The following COL9A2 variants were observed in gnomAD, a reference collection of about 807,000 sequenced individuals.
COL9A2 encodes the protein collagen type IX alpha 2 chain, also known as collagen alpha-2(IX) chain.
Under a neutral mutation model 111.6 loss-of-function variants are expected in COL9A2, and 66 were observed. The observed-to-expected ratio is 0.59, with a 90% CI of 0.48 to 0.73. The LOEUF is 0.73. COL9A2 is among the 30% of genes least tolerant of loss of function. COL9A2 has a pLI of 0.00. For missense variants in COL9A2, 881 were observed against 954.1 expected (o/e 0.92, Z 1.01); for synonymous variants, 353 against 364.1 (o/e 0.97, Z 0.35).
At chr1:40,313,554 T>A (rs1196470228) in intron 4 of COL9A2, among the ~76,000 whole-genome samples, 1 of 152,228 alleles carries the variant, frequency 6.6e-6, no homozygotes, top group Non-Finnish European at 1.5e-5. Flanking sequence ...GAAGGCAATA[T>A]GCCTTGTAAT....
In COL9A2 at chr1:40,313,296, G is replaced by C. The variant is rs554184755; in HGVS notation, c.250-512C>G. ...TGATTCTTGTGCCCCAGCCTCCCAA[G>C]TAGCTAGGACCAGGGGCATGCGCCA... On this transcript the variant is annotated intron_variant, in intron 4 of 31. Transcript: ENST00000372748. 3.3e-5 allele frequency among the ~76,000 whole-genome samples: 5 copies of C among 152,202 alleles called. No individual in the cohort carries two copies. The East Asian group carries it at 9.7e-4, about 29-fold the overall frequency.
chr1:40,304,173 A>G, intron 24 of COL9A2, 74 bp from the exon 25 acceptor site: 6 of 1,516,172 alleles, frequency 4.0e-6, no homozygotes, highest in Non-Finnish European at 5.3e-6. Flanking sequence ...TTTCGGCCAC[A>G]CCCCTCTTTC....
chr1:40,316,810 G>T lies in COL9A2; in HGVS notation c.75+313C>A. 2.1e-6 allele frequency: 1 copy of T among 485,824 alleles called. No homozygotes were observed. Among genetic ancestry groups the T allele is most frequent in the Non-Finnish European group, 3.8e-6 (1 of 265,178 alleles). 30.1% of individuals were successfully genotyped at this position (485,824 alleles called of 1,614,324 possible). On this transcript the variant is annotated intron_variant, in intron 1 of 31. Transcript: ENST00000372748. This position sits in a 1 kb window ranked among gnomAD's most constrained non-coding sequence, Gnocchi z 5.5. ...GCGCAGCGGGTGAATGAGCACCATT[G>T]TATGCCCCGCCACCTGGGCTCCCCG...
At chr1:40,304,701 G>A (rs1643995908) in intron 22 of COL9A2, 93 bp downstream of exon 22, 2 of 1,405,148 alleles carry the variant, frequency 1.4e-6, no homozygotes, top group Admixed American at 2.0e-5. Flanking sequence ...GCCTGGGGAG[G>A]CATCTCACGG....
rs1280996964 is a variant in COL9A2, at chr1:40,303,698, A to G, written c.1402-22T>C. The G allele has an allele frequency of 1.3e-6, 2 of 1,491,786 alleles. No individual in the cohort carries two copies. Among genetic ancestry groups the G allele is most frequent in the Non-Finnish European group, 1.8e-6 (2 of 1,118,418 alleles). The allele number at this position is 1,491,786 out of a possible 1,614,324, so 92.4% of individuals were successfully genotyped here. A position where few individuals can be genotyped will look rare whatever the true frequency, so the allele number is the denominator to read the frequency against. On this transcript the variant is annotated intron_variant, in intron 27 of 31. Coordinates refer to ENST00000372748, the MANE Select transcript of COL9A2 (RefSeq NM_001852.4). The surrounding 1 kb of genome is among the most constrained non-coding windows in gnomAD (Gnocchi z 4.6). ...CTTGCTGCGGGGGGATGGGGGTGGG[A>G]GCAGAGCCGGGTGAGAAGGCGCCCG...
rs1014918731 is a variant in COL9A2, at chr1:40,311,906, C to A, written c.417+153G>T. On this transcript the variant is annotated intron_variant, in intron 8 of 31. Transcript: ENST00000372748. This position sits in a 1 kb window ranked among gnomAD's most constrained non-coding sequence, Gnocchi z 5.1. ...AGCGGCGTCCCTAAAAGACCTAGTG[C>A]CGGGTGGGCTCATAGGAGGGGTTTC... Among the ~76,000 whole-genome samples, 4 of 152,168 alleles carry A rather than the reference C, an allele frequency of 2.6e-5. No homozygotes were observed. The highest frequency in any genetic ancestry group is 5.9e-5 in the Non-Finnish European group (4 of 68,018).
Position 40,302,991 on chromosome 1 carries a change from A to G in COL9A2, c.1603+140T>C. On this transcript the variant is annotated intron_variant, in intron 29 of 31. Coordinates refer to ENST00000372748, the MANE Select transcript of COL9A2 (RefSeq NM_001852.4). This position sits in a 1 kb window ranked among gnomAD's most constrained non-coding sequence, Gnocchi z 4.5. ...CCCAGAGTGACTTATTCAAGGTCCC[A>G]AAACCCTTCAGAGACTGGACTGGAA... 9.0e-7 allele frequency: 1 copy of G among 1,109,958 alleles called. No homozygotes were observed. Among genetic ancestry groups the G allele is most frequent in the Non-Finnish European group, 1.3e-6 (1 of 755,426 alleles). 68.8% of individuals were successfully genotyped at this position (1,109,958 alleles called of 1,614,324 possible).
In COL9A2 at chr1:40,310,135, G is replaced by T. The variant is rs150444024; in HGVS notation, c.768C>A (p.Gly256=). The change falls in exon 15 of 32, where the codon GGC becomes GGA. Residue 256 remains glycine (G), a synonymous_variant. Coordinates refer to ENST00000372748, the MANE Select transcript of COL9A2 (RefSeq NM_001852.4). This position sits in a 1 kb window ranked among gnomAD's most constrained non-coding sequence, Gnocchi z 4.9. ...TGPHGYKGMV[G]AIGATGPPGE... is the part of the protein sequence containing the mutation. ...CCGGTGGCCCAGTGGCACCGATAGCGCCCACCATGCCTTTATATCCATGAG... is the reference window on the plus strand; with the variant it reads ...CCGGTGGCCCAGTGGCACCGATAGCTCCCACCATGCCTTTATATCCATGAG... 1 of 1,613,834 alleles carries T rather than the reference G, an allele frequency of 6.2e-7. No homozygotes were observed. The highest frequency in any genetic ancestry group is 1.3e-5 in the African/African-American group (1 of 74,860).
rs752359933 is a variant in COL9A2 at position 40,301,394 on chromosome 1, G to T, written c.1871-13C>A. 5 of 1,602,802 alleles carry T rather than the reference G, an allele frequency of 3.1e-6. No homozygotes were observed. The South Asian group carries it at 5.6e-5, about 18-fold the overall frequency. On this transcript the variant is annotated splice_polypyrimidine_tract_variant and intron_variant, in intron 31 of 31. Transcript: ENST00000372748. ...CGGCCAGGGAGTCCTGTGAACAGGA[G>T]AAAGTCAAGACATTAGGGGCACCTC...
intron 24 of COL9A2, 38 bp from the exon 25 acceptor site, chr1:40,304,137 C>G: frequency 1.3e-6 from 2 of 1,530,894 alleles, no homozygotes; most frequent in South Asian, 2.4e-5. Context: ...GGCGAGCTCC[C>G]CCCTCCACGG....
intron 16 of COL9A2, among the ~76,000 whole-genome samples, chr1:40,309,071 G>C (rs1644074892): frequency 6.6e-6 from 1 of 152,142 alleles, no homozygotes; most frequent in Non-Finnish European, 1.5e-5. Flanking sequence ...GTGAAACCCT[G>C]TCTCTACTAA....
intron 4 of COL9A2, among the ~76,000 whole-genome samples, chr1:40,313,803 T>G (rs888950784): frequency 6.6e-6 from 1 of 152,126 alleles, no homozygotes; most frequent in African/African-American, 2.4e-5. Context: ...CTAAATGATG[T>G]TTCTCTCCTG....
intron 30 of COL9A2, 57 bp from the exon 31 acceptor site, chr1:40,301,946 T>A: frequency 6.6e-7 from 1 of 1,514,284 alleles, no homozygotes; most frequent in East Asian, 2.4e-5. Context: ...TTTTCCTCTA[T>A]TTTTTGCTAT....
chr1:40,306,621 A>T (rs1009785821), intron 19 of COL9A2, among the ~76,000 whole-genome samples: 82 of 127,956 alleles, frequency 6.4e-4, no homozygotes, highest in African/African-American at 2.5e-3. Flanking sequence ...CATTTCAAAC[A>T]GAGGGACCAG....
rs1263507777 is a variant in COL9A2, at chr1:40,302,280, G to A, written c.1792+341C>T. 6.6e-6 allele frequency among the ~76,000 whole-genome samples: 1 copy of A among 152,126 alleles called. No homozygotes were observed. Among genetic ancestry groups the A allele is most frequent in the East Asian group, 1.9e-4 (1 of 5,190 alleles). On this transcript the variant is annotated intron_variant, in intron 30 of 31. Transcript: ENST00000372748. This position sits in a 1 kb window ranked among gnomAD's most constrained non-coding sequence, Gnocchi z 4.5. Reference sequence around the variant, plus strand: ...AGCAGGTAACTCGTCTGAGAGCCACGATGAGAAAGGGGAGTCTGGATTCAC... The same window carrying A: ...AGCAGGTAACTCGTCTGAGAGCCACAATGAGAAAGGGGAGTCTGGATTCAC...
rs760533824 is a variant in COL9A2, at chr1:40,303,104, CTG to C, written c.1603+25_1603+26del. The C allele has an allele frequency of 4.9e-5, 79 of 1,609,422 alleles. 1 individual carries two copies. In the Admixed American group the frequency reaches 1.2e-3, roughly 24 times the overall value. On this transcript the variant is annotated intron_variant, in intron 29 of 31. Transcript: ENST00000372748. The surrounding 1 kb of genome is among the most constrained non-coding windows in gnomAD (Gnocchi z 4.6). The stretch of plus-strand genomic sequence containing the variant: ...GGGGGCGGCGATGCCCTCGAACTGA[CTG>C]TGAGGAGGGGTTGCTGCCCCTCACC...
chr1:40,303,617 C>A lies in COL9A2; in HGVS notation c.1461G>T (p.Gly487=), dbSNP rs1643952759. ...PGPSGDAGAP[G]VQGYPGPPGP... is the part of the protein sequence containing the mutation. ...CGGGGGGACCAGGGTAGCCCTGAAC[C>A]CCTGGGGCGCCCGCATCCCCGCTGG... Residue 487 remains glycine (G), a synonymous_variant, in exon 28 of 32, where the codon GGG becomes GGT. Transcript: ENST00000372748. This position sits in a 1 kb window ranked among gnomAD's most constrained non-coding sequence, Gnocchi z 4.6. 6.3e-7 allele frequency: 1 copy of A among 1,599,560 alleles called. No individual in the cohort carries two copies. Among genetic ancestry groups the A allele is most frequent in the Non-Finnish European group, 8.5e-7 (1 of 1,173,966 alleles).
In COL9A2 at chr1:40,300,870, A is replaced by T. The variant is rs41466547; in HGVS notation, c.*312T>A. On this transcript the variant is annotated 3_prime_UTR_variant, in exon 32 of 32. Transcript: ENST00000372748. This position sits in a 1 kb window ranked among gnomAD's most constrained non-coding sequence, Gnocchi z 4.4. ...CAAGGACAAGATGGCCAGTGGAGAA[A>T]GGTGCAGATTAAGATGTTTGTTTTG... The T allele has an allele frequency of 0.047, 15,097 of 320,982 alleles. 799 individuals are homozygous for T. Among genetic ancestry groups the T allele is most frequent in the African/African-American group, 0.17 (7,920 of 47,130 alleles). 19.9% of individuals were successfully genotyped at this position (320,982 alleles called of 1,614,324 possible). A position where few individuals can be genotyped will look rare whatever the true frequency, so the allele number is the denominator to read the frequency against.
Position 40,303,000 on chromosome 1 carries a change from C to T in COL9A2, c.1603+131G>A, listed in dbSNP as rs951238854. 12 of 1,133,968 alleles carry T rather than the reference C, an allele frequency of 1.1e-5. No individual in the cohort carries two copies. The African/African-American group carries it at 1.4e-4, about 13-fold the overall frequency. The allele number at this position is 1,133,968 out of a possible 1,614,324, so 70.2% of individuals were successfully genotyped here. A position where few individuals can be genotyped will look rare whatever the true frequency, so the allele number is the denominator to read the frequency against. On this transcript the variant is annotated intron_variant, in intron 29 of 31. Transcript: ENST00000372748. This position sits in a 1 kb window ranked among gnomAD's most constrained non-coding sequence, Gnocchi z 4.5. ...ACTTATTCAAGGTCCCAAAACCCTTCAGAGACTGGACTGGAAGGAGCCCCC... is the reference window on the plus strand; with the variant it reads ...ACTTATTCAAGGTCCCAAAACCCTTTAGAGACTGGACTGGAAGGAGCCCCC...
Sources: gnomAD v4.1 joint callset for allele counts (sites outside exome capture counted in the v4.1 genomes callset) on GRCh38, gnomAD v4.1.1 for gene constraint, Gnocchi (gnomAD v3.1) non-coding constraint, MANE v1.5 for transcripts, NCBI Gene and HGNC (gene_info 2026-07-23, HGNC 2026-07-21) for gene names.